The following UBE2N variants were observed in gnomAD, a reference collection of about 807,000 sequenced individuals.
The protein encoded by UBE2N is ubiquitin-conjugating enzyme E2 N.
For missense variants in UBE2N, 60 were observed against 192.1 expected (o/e 0.31, Z 4.07); for synonymous variants, 70 against 69.2 (o/e 1.01, Z -0.06).
intron 1 of UBE2N, among the ~76,000 whole-genome samples, chr12:93,433,711 C>T (rs1167363989): frequency 6.6e-6 from 1 of 152,268 alleles, no homozygotes; most frequent in East Asian, 1.9e-4. Flanking sequence ...ATTGTAATGT[C>T]AAAAGCCCCT....
At position 93,406,470 on chromosome 12, in the gene UBE2N, G is replaced by GTATT. The variant is rs752696790; in HGVS notation, c.*3565_*3568dup. 2 of 151,892 alleles carry GTATT rather than the reference G, an allele frequency of 1.3e-5. No homozygotes were observed. Among genetic ancestry groups the GTATT allele is most frequent in the Non-Finnish European group, 2.9e-5 (2 of 67,970 alleles). The allele number at this position is 151,892 out of a possible 1,614,324, so 9.4% of individuals were successfully genotyped here. A position where few individuals can be genotyped will look rare whatever the true frequency, so the allele number is the denominator to read the frequency against. On this transcript the variant is annotated 3_prime_UTR_variant, in exon 4 of 4. Transcript: ENST00000318066. ...ACCTGTGACTTTTATCTGTTGGTTT[G>GTATT]TATTTAATCTTATTTTTAAGTGCTT...
chr12:93,422,050 TAA>T (rs1276577135), intron 1 of UBE2N, among the ~76,000 whole-genome samples: 1 of 152,114 alleles, frequency 6.6e-6, no homozygotes, highest in Non-Finnish European at 1.5e-5. Flanking sequence ...AAGACATTTT[TAA>T]AGTTTTCTGG....
chr12:93,440,996 C>T (rs1007872695), intron 1 of UBE2N: 3 of 152,200 alleles, frequency 2.0e-5, no homozygotes, highest in African/African-American at 7.2e-5. Flanking sequence ...TGGAAGCCGC[C>T]TGGGCACTAT....
At chr12:93,431,997 G>T (rs1048277761) in intron 1 of UBE2N, among the ~76,000 whole-genome samples, 2 of 152,192 alleles carry the variant, frequency 1.3e-5, no homozygotes, top group Non-Finnish European at 1.5e-5. Flanking sequence ...ACTCTGGGAG[G>T]CTGAGGCGGG....
Position 93,433,283 on chromosome 12 carries a change from A to G in UBE2N, c.30+8572T>C, listed in dbSNP as rs147864173. Among the ~76,000 whole-genome samples, 3 of 152,244 alleles carry G rather than the reference A, an allele frequency of 2.0e-5. No individual in the cohort carries two copies. The East Asian group carries it at 5.8e-4, about 29-fold the overall frequency. On this transcript the variant is annotated intron_variant, in intron 1 of 3. Transcript: ENST00000318066. ...CCCCAATGGTGTCATGTAGCCCTTG[A>G]AAGAATGAATAATAATGAAGTATTT...
chr12:93,439,095 T>C (rs1300845968), intron 1 of UBE2N, among the ~76,000 whole-genome samples: 1 of 152,240 alleles, frequency 6.6e-6, no homozygotes, highest in Admixed American at 6.5e-5. Context: ...AAGCATCATA[T>C]TAACAGTCAT....
At chr12:93,432,487 A>C (rs1020993693) in intron 1 of UBE2N, among the ~76,000 whole-genome samples, 5 of 136,582 alleles carry the variant, frequency 3.7e-5, no homozygotes, top group African/African-American at 1.2e-4. Flanking sequence ...AAAAAAAAAA[A>C]AACAAAACAA....
intron 1 of UBE2N, among the ~76,000 whole-genome samples, chr12:93,411,759 C>G (rs1878037878): frequency 6.6e-6 from 1 of 152,076 alleles, no homozygotes; most frequent in African/African-American, 2.4e-5. Flanking sequence ...GTGGCAAGAT[C>G]TTGGCTCACT....
intron 1 of UBE2N, among the ~76,000 whole-genome samples, chr12:93,414,215 C>T (rs1335570562): frequency 4.0e-5 from 6 of 151,244 alleles, no homozygotes; most frequent in Non-Finnish European, 7.4e-5. Flanking sequence ...TTTGGGAGGC[C>T]GAGGCGGGTG....
At chr12:93,428,442 T>G (rs990114043) in intron 1 of UBE2N, among the ~76,000 whole-genome samples, 1 of 152,150 alleles carries the variant, frequency 6.6e-6, no homozygotes, top group Non-Finnish European at 1.5e-5. Context: ...AATATCATCC[T>G]CTAAAAACCT....
At chr12:93,428,478 T>C (rs1878657734) in intron 1 of UBE2N, among the ~76,000 whole-genome samples, 2 of 152,164 alleles carry the variant, frequency 1.3e-5, no homozygotes, top group Non-Finnish European at 2.9e-5. Flanking sequence ...TTGAGGGTTT[T>C]CCAGGCCAGT....
Position 93,405,777 on chromosome 12 carries a change from C to A in UBE2N, c.*4262G>T, listed in dbSNP as rs1877776656. 1 of 151,950 alleles carries A rather than the reference C, an allele frequency of 6.6e-6. No individual in the cohort carries two copies. The highest frequency in any genetic ancestry group is 1.5e-5 in the Non-Finnish European group (1 of 67,998). 9.4% of individuals were successfully genotyped at this position (151,950 alleles called of 1,614,324 possible). A position where few individuals can be genotyped will look rare whatever the true frequency, so the allele number is the denominator to read the frequency against. ...CTTTTTATGTTATTTAAAGTATAAACCCTCATATAATTCCCTAAGATGGGT... is the reference window on the plus strand; with the variant it reads ...CTTTTTATGTTATTTAAAGTATAAAACCTCATATAATTCCCTAAGATGGGT... On this transcript the variant is annotated 3_prime_UTR_variant, in exon 4 of 4. Transcript: ENST00000318066.
chr12:93,439,226 C>A (rs1210578627), intron 1 of UBE2N, among the ~76,000 whole-genome samples: 1 of 152,186 alleles, frequency 6.6e-6, no homozygotes, highest in African/African-American at 2.4e-5. Context: ...GTGGCTCACG[C>A]CTGTGATCCC....
intron 1 of UBE2N, among the ~76,000 whole-genome samples, chr12:93,436,023 T>C (rs1320129060): frequency 6.6e-6 from 1 of 152,196 alleles, no homozygotes; most frequent in African/African-American, 2.4e-5. Flanking sequence ...GTTGACTCAC[T>C]AGGTTTTAAT....
rs1350784201 is a variant in UBE2N at position 93,409,682 on chromosome 12, A to T, written c.*357T>A. The T allele has an allele frequency of 5.5e-6, 1 of 181,122 alleles. No homozygotes were observed. The highest frequency in any genetic ancestry group is 1.3e-5 in the Non-Finnish European group (1 of 77,932). The allele number at this position is 181,122 out of a possible 1,614,324, so 11.2% of individuals were successfully genotyped here. A position where few individuals can be genotyped will look rare whatever the true frequency, so the allele number is the denominator to read the frequency against. Reference sequence around the variant, plus strand: ...CTACCTCCCCCCTCAAAAATAAAATAAAATAAAATAAAATAAAAACACCCA... The same window carrying T: ...CTACCTCCCCCCTCAAAAATAAAATTAAATAAAATAAAATAAAAACACCCA... On this transcript the variant is annotated 3_prime_UTR_variant, in exon 4 of 4. Transcript: ENST00000318066.
intron 1 of UBE2N, chr12:93,429,425 A>T (rs1488826770): frequency 3.2e-6 from 1 of 311,178 alleles, no homozygotes; most frequent in African/African-American, 2.2e-5. Context: ...CATGCGCTGT[A>T]TGAGTTTCAG....
At chr12:93,439,806 A>G (rs1270610939) in intron 1 of UBE2N, among the ~76,000 whole-genome samples, 1 of 152,218 alleles carries the variant, frequency 6.6e-6, no homozygotes, top group African/African-American at 2.4e-5. Context: ...CTAGTAAGAT[A>G]AAACCCAAAT....
At chr12:93,432,307 T>C (rs939940213) in intron 1 of UBE2N, among the ~76,000 whole-genome samples, 3 of 152,192 alleles carry the variant, frequency 2.0e-5, no homozygotes, top group Non-Finnish European at 2.9e-5. Context: ...ATTCAATGAA[T>C]GTCCAATTAA....
At chr12:93,436,769 T>A (rs1240591361) in intron 1 of UBE2N, among the ~76,000 whole-genome samples, 3 of 152,156 alleles carry the variant, frequency 2.0e-5, no homozygotes, top group Non-Finnish European at 4.4e-5. Context: ...CTTCAGTCAC[T>A]TTTATTGGCT....
Sources: allele counts gnomAD v4.1 joint callset (sites outside exome capture counted in the v4.1 genomes callset), GRCh38; gene constraint gnomAD v4.1.1; transcripts MANE v1.5; gene names NCBI Gene and HGNC (gene_info 2026-07-23, HGNC 2026-07-21).